ENOX2: variants seen among roughly 807,000 people sequenced by gnomAD.
ENOX2 encodes the protein ecto-NOX disulfide-thiol exchanger 2.
In ENOX2, 36 loss-of-function variants were observed where a neutral mutation model predicts 45.0. The observed-to-expected ratio is 0.80, with a 90% confidence interval of 0.61 to 1.06. The LOEUF is 1.06. Among genes scored for constraint, ENOX2 ranks in the 50% least tolerant of loss-of-function variants. The pLI, the probability that ENOX2 is intolerant of heterozygous loss-of-function variation, is 0.00. For synonymous variants in ENOX2, 174 were observed against 152.3 expected (o/e 1.14, Z -1.05); for missense variants, 423 against 462.5 (o/e 0.91, Z 0.78).
intron 2 of ENOX2, among the ~76,000 whole-genome samples, chrX:130,806,773 C>A (rs966470158): frequency 1.8e-5 from 2 of 112,385 alleles, no homozygotes; most frequent in African/African-American, 6.5e-5. Flanking sequence ...TGTTTCATAT[C>A]ATTTCATATT....
At chrX:130,685,210 T>G (rs2037415133) in intron 5 of ENOX2, among the ~76,000 whole-genome samples, 1 of 110,750 alleles carries the variant, frequency 9.0e-6, no homozygotes, top group African/African-American at 3.3e-5. Context: ...AGCATGAAGG[T>G]CAGTGTGACC....
chrX:130,852,147 C>T (rs73229075), intron 2 of ENOX2, among the ~76,000 whole-genome samples: 3 of 111,902 alleles, frequency 2.7e-5, no homozygotes, highest in Non-Finnish European at 5.6e-5. Context: ...ACATTTTGGC[C>T]TAAGTTTGGT....
At chrX:130,739,505 G>T (rs2148311051) in intron 3 of ENOX2, among the ~76,000 whole-genome samples, 1 of 112,451 alleles carries the variant, frequency 8.9e-6, no homozygotes, top group East Asian at 2.8e-4. Context: ...GATAAGAGTG[G>T]TTCTCTTTTC....
chrX:130,647,568 G>A (rs2036270680), intron 10 of ENOX2, among the ~76,000 whole-genome samples: 1 of 112,132 alleles, frequency 8.9e-6, no homozygotes, highest in Non-Finnish European at 1.9e-5. Context: ...TCAAGGTCTA[G>A]CATATTTGAT....
intron 2 of ENOX2, among the ~76,000 whole-genome samples, chrX:130,824,826 A>AAG (rs2077685957): frequency 8.9e-6 from 1 of 111,989 alleles, no homozygotes; most frequent in Non-Finnish European, 1.9e-5. Context: ...AAACACAGTG[A>AAG]GACATTATTT....
chrX:130,672,840 C>A (rs1007311750), intron 6 of ENOX2, among the ~76,000 whole-genome samples: 1 of 111,657 alleles, frequency 9.0e-6, no homozygotes, highest in Non-Finnish European at 1.9e-5. Flanking sequence ...GTTCCCCTAG[C>A]CACTCCTGTC....
chrX:130,748,892 C>T (rs2039154482), intron 3 of ENOX2, among the ~76,000 whole-genome samples: 1 of 111,700 alleles, frequency 9.0e-6, no homozygotes, highest in Admixed American at 9.5e-5. Flanking sequence ...AACCAGGTCA[C>T]TGCTGCTGTC....
intron 2 of ENOX2, among the ~76,000 whole-genome samples, chrX:130,849,197 CTGT>C (rs1245366811): frequency 8.9e-6 from 1 of 112,597 alleles, no homozygotes; most frequent in Non-Finnish European, 1.9e-5. Context: ...CAATAAACAA[CTGT>C]TGTTACATAA....
chrX:130,672,050 G>C (rs1428288447), intron 6 of ENOX2, among the ~76,000 whole-genome samples: 1 of 111,320 alleles, frequency 9.0e-6, no homozygotes, highest in African/African-American at 3.3e-5. Context: ...CAAAAACAAT[G>C]ATGAAAATTT....
At chrX:130,748,296 G>A (rs1475504447) in intron 3 of ENOX2, among the ~76,000 whole-genome samples, 1 of 111,969 alleles carries the variant, frequency 8.9e-6, no homozygotes, top group Non-Finnish European at 1.9e-5. Flanking sequence ...CACAACCACT[G>A]TAGGAGTCTT....
chrX:130,671,785 T>C (rs997270115), intron 6 of ENOX2, among the ~76,000 whole-genome samples: 6 of 111,246 alleles, frequency 5.4e-5, no homozygotes, highest in African/African-American at 2.0e-4. Flanking sequence ...ACTCCTCTGG[T>C]CTTGCTGAAC....
intron 2 of ENOX2, among the ~76,000 whole-genome samples, chrX:130,827,906 C>T (rs186541082): frequency 1.2e-3 from 131 of 111,578 alleles, no homozygotes; most frequent in Non-Finnish European, 1.6e-3. Context: ...CATAATTCCT[C>T]GGATTTATGT....
chrX:130,852,840 C>T (rs1041442531), intron 2 of ENOX2, among the ~76,000 whole-genome samples: 2 of 110,797 alleles, frequency 1.8e-5, no homozygotes, highest in African/African-American at 3.3e-5. Flanking sequence ...ACATTATGTA[C>T]GGGAGATCAT....
Position 130,717,587 on chromosome X carries a change from C to G in ENOX2, c.-38-14333G>C, listed in dbSNP as rs184990446. Reference sequence around the variant, plus strand: ...TGGCTAGGTTTCTACCAAAGTGCACCTAGTTTTCAAGAGTGGCTATCTTCC... The same window carrying G: ...TGGCTAGGTTTCTACCAAAGTGCACGTAGTTTTCAAGAGTGGCTATCTTCC... On this transcript the variant is annotated intron_variant, in intron 3 of 14. Transcript: ENST00000394363. Among the ~76,000 whole-genome samples, 3 of 112,278 alleles carry G rather than the reference C, an allele frequency of 2.7e-5. No individual in the cohort carries two copies. The Admixed American group carries it at 2.8e-4, about 11-fold the overall frequency.
Position 130,847,566 on chromosome X carries a change from TAG to T in ENOX2, c.-183+54116_-183+54117del, listed in dbSNP as rs757842295. The stretch of plus-strand genomic sequence containing the variant: ...CCATAGAAAAATCAGGACTAAAACC[TAG>T]ACAGTTGTCTATTCTTCTGCCTAAC... On this transcript the variant is annotated intron_variant, in intron 2 of 14. Coordinates refer to ENST00000394363, the MANE Select transcript of ENOX2 (RefSeq NM_006375.4). Among the ~76,000 whole-genome samples, 4 of 111,899 alleles carry T rather than the reference TAG, an allele frequency of 3.6e-5. No individual in the cohort carries two copies. In the South Asian group the frequency reaches 1.5e-3, roughly 42 times the overall value.
chrX:130,646,169 T>C, intron 10 of ENOX2: 2 of 502,527 alleles, frequency 4.0e-6, no homozygotes, highest in Non-Finnish European at 7.4e-6. Flanking sequence ...CAAGCAGCTG[T>C]GGCATTCCAG....
chrX:130,625,458 G>A lies in ENOX2; in HGVS notation c.1615-13C>T, dbSNP rs1431286800. The A allele has an allele frequency of 8.3e-7, 1 of 1,200,811 alleles. No homozygotes were observed. Among genetic ancestry groups the A allele is most frequent in the Non-Finnish European group, 1.1e-6 (1 of 890,062 alleles). On this transcript the variant is annotated splice_polypyrimidine_tract_variant and intron_variant, in intron 14 of 14. Transcript: ENST00000394363. Reference sequence around the variant, plus strand: ...CGCTGGTGCAGATCTGTGGGACAGAGAGAACATCTCCATTCAAAACCAGTT... The same window carrying A: ...CGCTGGTGCAGATCTGTGGGACAGAAAGAACATCTCCATTCAAAACCAGTT...
chrX:130,691,395 C>A (rs2148187625), intron 4 of ENOX2, among the ~76,000 whole-genome samples: 1 of 111,567 alleles, frequency 9.0e-6, no homozygotes, highest in Non-Finnish European at 1.9e-5. Flanking sequence ...TCACAAACAT[C>A]TGTGATAGGC....
chrX:130,631,429 C>T, intron 13 of ENOX2, 39 bp downstream of exon 13: 1 of 762,841 alleles, frequency 1.3e-6, no homozygotes, highest in Admixed American at 2.2e-5. Flanking sequence ...CCATTGTACC[C>T]AGGCATTGTA....
Sources: gnomAD v4.1 joint callset for allele counts (sites outside exome capture counted in the v4.1 genomes callset) on GRCh38, gnomAD v4.1.1 for gene constraint, MANE v1.5 for transcripts, NCBI Gene and HGNC (gene_info 2026-07-23, HGNC 2026-07-21) for gene names.